The following RPS3 variants were observed in gnomAD, a reference collection of about 807,000 sequenced individuals.
The protein encoded by RPS3 is ribosomal protein S3.
In RPS3, 2 loss-of-function variants were observed where a neutral mutation model predicts 25.8. The observed-to-expected ratio is 0.08, with a 90% CI of 0.03 to 0.24. RPS3 has a LOEUF of 0.24. Among genes scored for constraint, RPS3 ranks in the 10% least tolerant of loss-of-function variants. The pLI, the probability that RPS3 is intolerant of heterozygous loss-of-function variation, is 1.00. For synonymous variants in RPS3, 114 were observed against 114.2 expected (o/e 1.00, Z 0.01); for missense variants, 107 against 307.1 (o/e 0.35, Z 4.87).
rs374130065 is a variant in RPS3 at position 75,399,596 on chromosome 11, G to T, written c.30+19G>T. On this transcript the variant is annotated intron_variant, in intron 1 of 6. Transcript: ENST00000531188. ...GAGGAAGGTGAGCCTCTGGGGACTGGGTTCGGAGAACGACGGCGCCGCGCG... is the reference window on the plus strand; with the variant it reads ...GAGGAAGGTGAGCCTCTGGGGACTGTGTTCGGAGAACGACGGCGCCGCGCG... 6.2e-7 allele frequency: 1 copy of T among 1,611,280 alleles called. No homozygotes were observed. The highest frequency in any genetic ancestry group is 1.3e-5 in the African/African-American group (1 of 74,860).
downstream of RPS3, among the ~76,000 whole-genome samples, chr11:75,411,091 T>C (rs1001308616): frequency 6.6e-6 from 1 of 152,108 alleles, no homozygotes; most frequent in African/African-American, 2.4e-5. Context: ...TTAGCCAGGA[T>C]GGTCTCGATC....
downstream of RPS3, among the ~76,000 whole-genome samples, chr11:75,408,045 G>A (rs1354734678): frequency 1.3e-5 from 2 of 152,324 alleles, no homozygotes; most frequent in East Asian, 1.9e-4. Flanking sequence ...TTGGAAGAAA[G>A]TGCTGTTAAT....
chr11:75,403,042 TC>T (rs1355096790), intron 4 of RPS3: 1 of 152,190 alleles, frequency 6.6e-6, no homozygotes, highest in Non-Finnish European at 1.5e-5. Context: ...AACAGGAAGT[TC>T]TTTGTGCAGT....
chr11:75,413,016 G>A (rs994453999), intron 6 of RPS3, among the ~76,000 whole-genome samples: 1 of 152,094 alleles, frequency 6.6e-6, no homozygotes, highest in African/African-American at 2.4e-5. Flanking sequence ...CAAGTGATCT[G>A]CCCACCTTGG....
intron 6 of RPS3, among the ~76,000 whole-genome samples, chr11:75,412,680 A>G (rs921031100): frequency 1.3e-5 from 2 of 152,248 alleles, no homozygotes; most frequent in Admixed American, 6.5e-5. Flanking sequence ...GGGTCACAGG[A>G]AAGTTCGAGA....
chr11:75,400,430 TTC>T (rs770795951), intron 1 of RPS3: 1 of 567,360 alleles, frequency 1.8e-6, no homozygotes. Context: ...CTTGGGGATG[TTC>T]TCTTTGCCCA....
At position 75,401,835 on chromosome 11, in the gene RPS3, C is replaced by T. The variant is rs1380407751; in HGVS notation, c.255+102C>T. On this transcript the variant is annotated intron_variant, in intron 3 of 6. Coordinates refer to ENST00000531188, the MANE Select transcript of RPS3 (RefSeq NM_001005.5). ...TAATTGTTTGTTCATTACAAATGGA[C>T]TGGTATAACTGTTGAAATTCTCTTA... The T allele has an allele frequency of 1.1e-5, 8 of 710,042 alleles. No individual in the cohort carries two copies. The African/African-American group carries it at 1.4e-4, about 13-fold the overall frequency. 44.0% of individuals were successfully genotyped at this position (710,042 alleles called of 1,614,324 possible). A position where few individuals can be genotyped will look rare whatever the true frequency, so the allele number is the denominator to read the frequency against.
downstream of RPS3, among the ~76,000 whole-genome samples, chr11:75,407,486 T>C (rs775738802): frequency 3.3e-5 from 5 of 152,042 alleles, no homozygotes; most frequent in Non-Finnish European, 7.4e-5. Flanking sequence ...TATTTTTATT[T>C]TTTGAGACGG....
chr11:75,411,612 G>A (rs1304532029), downstream of RPS3, among the ~76,000 whole-genome samples: 3 of 151,116 alleles, frequency 2.0e-5, no homozygotes, highest in South Asian at 4.2e-4. Flanking sequence ...GGATGGTCTC[G>A]ATCTCCTGAC....
downstream of RPS3, among the ~76,000 whole-genome samples, chr11:75,411,816 A>G (rs1388165037): frequency 6.6e-6 from 1 of 152,184 alleles, no homozygotes; most frequent in African/African-American, 2.4e-5. Flanking sequence ...GGTTCCCTGA[A>G]TTTAGCTGCT....
At chr11:75,417,441 A>G (rs1948408713) in intron 6 of RPS3, among the ~76,000 whole-genome samples, 1 of 152,078 alleles carries the variant, frequency 6.6e-6, no homozygotes, top group African/African-American at 2.4e-5. Context: ...TAAAAATACA[A>G]AAAAAATTAG....
intron 6 of RPS3, 197 bp downstream of exon 6, chr11:75,405,065 C>T (rs1008193156): frequency 1.2e-5 from 5 of 430,816 alleles, no homozygotes; most frequent in African/African-American, 1.0e-4. Context: ...TGCCTTTATT[C>T]TTTCCAGAAA....
In RPS3 at chr11:75,405,824, C is replaced by T. The variant is rs1948279891; in HGVS notation, c.*214C>T. 3 of 275,294 alleles carry T rather than the reference C, an allele frequency of 1.1e-5. No individual in the cohort carries two copies. Among genetic ancestry groups the T allele is most frequent in the Non-Finnish European group, 2.2e-5 (3 of 137,196 alleles). 17.1% of individuals were successfully genotyped at this position (275,294 alleles called of 1,614,324 possible). A position where few individuals can be genotyped will look rare whatever the true frequency, so the allele number is the denominator to read the frequency against. On this transcript the variant is annotated 3_prime_UTR_variant, in exon 7 of 7. Coordinates refer to ENST00000531188, the MANE Select transcript of RPS3 (RefSeq NM_001005.5). ...ACAGTAAGACCCAAGCAGAGCCAAC[C>T]AGAGAAATAATATTTGTGTGATAGA... is the stretch of plus-strand genomic sequence containing the variant.
At chr11:75,416,318 C>T (rs138997042) in intron 6 of RPS3, among the ~76,000 whole-genome samples, 5 of 152,302 alleles carry the variant, frequency 3.3e-5, no homozygotes, top group East Asian at 1.9e-4. Flanking sequence ...CCCAACTGTA[C>T]GTGCACTGAC....
downstream of RPS3, among the ~76,000 whole-genome samples, chr11:75,407,925 G>A (rs993342678): frequency 1.3e-5 from 2 of 152,190 alleles, no homozygotes; most frequent in Middle Eastern, 3.2e-3. Context: ...AGGTGTTGCT[G>A]TAACAAAGGA....
At position 75,420,687 on chromosome 11, in the gene RPS3, G is replaced by A. The variant is rs771818883; in HGVS notation, c.*4-1040G>A. ...GGGAAGCCTTGTTCCAGGCGCTGGA[G>A]GACACAGGTGAAACTGACACCTTTC... On this transcript the variant is annotated intron_variant, in intron 6 of 6. Coordinates refer to the RPS3 transcript ENST00000527446. 6.6e-5 allele frequency among the ~76,000 whole-genome samples: 10 copies of A among 152,088 alleles called. No individual in the cohort carries two copies. In the East Asian group the frequency reaches 1.9e-3, roughly 29 times the overall value.
At chr11:75,403,701 C>T in intron 4 of RPS3, 1 of 210,248 alleles carries the variant, frequency 4.8e-6, no homozygotes, top group Non-Finnish European at 9.5e-6. Context: ...ATAGATATTC[C>T]TGGACTTTGC....
downstream of RPS3, among the ~76,000 whole-genome samples, chr11:75,409,813 G>A (rs1169934633): frequency 7.2e-6 from 1 of 138,866 alleles, no homozygotes; most frequent in Non-Finnish European, 1.5e-5. Context: ...CTGGGCGGGG[G>A]GCTGACCCCC....
At chr11:75,412,476 CCT>C (rs943644004) in intron 6 of RPS3, among the ~76,000 whole-genome samples, 8 of 152,302 alleles carry the variant, frequency 5.3e-5, no homozygotes, top group African/African-American at 1.9e-4. Flanking sequence ...GCTATCATTA[CCT>C]CTCTCTGTTC....
Sources: allele counts gnomAD v4.1 joint callset (sites outside exome capture counted in the v4.1 genomes callset), GRCh38; gene constraint gnomAD v4.1.1; transcripts MANE v1.5; gene names NCBI Gene and HGNC (gene_info 2026-07-23, HGNC 2026-07-21).